Variants in SHC3 observed in about 807,000 individuals in gnomAD.
The protein encoded by SHC3 is SHC-transforming protein 3.
SHC3 carries 15 observed loss-of-function variants against 60.4 expected under a neutral mutation model. The observed-to-expected ratio is 0.25, with a 90% CI of 0.17 to 0.38. The LOEUF (loss-of-function observed/expected upper bound fraction) is 0.38. SHC3 is among the 10% of genes least tolerant of loss of function. The pLI, the probability that SHC3 is intolerant of heterozygous loss-of-function variation, is 1.00. For missense variants in SHC3, 677 were observed against 786.1 expected (o/e 0.86, Z 1.66); for synonymous variants, 294 against 325.9 (o/e 0.90, Z 1.05).
rs140458429 is a variant in SHC3 at position 89,096,327 on chromosome 9, G to A, written c.545+16229C>T. ...ACATGAGGCAGGCTCCATCCAATGC[G>A]CCACCAAGGGAGATCTGTGCTTTGA... On this transcript the variant is annotated intron_variant, in intron 2 of 11. Coordinates refer to ENST00000375835, the MANE Select transcript of SHC3 (RefSeq NM_016848.6). 6.6e-5 allele frequency among the ~76,000 whole-genome samples: 10 copies of A among 152,230 alleles called. No homozygotes were observed. The East Asian group carries it at 1.9e-3, about 29-fold the overall frequency.
At chr9:89,028,387 G>C (rs1408407413) in intron 11 of SHC3, among the ~76,000 whole-genome samples, 1 of 151,402 alleles carries the variant, frequency 6.6e-6, no homozygotes, top group East Asian at 1.9e-4. Context: ...ACCATGAAGA[G>C]AAAGATCATG....
chr9:89,030,488 T>G (rs979259816), intron 11 of SHC3, among the ~76,000 whole-genome samples: 1 of 152,104 alleles, frequency 6.6e-6, no homozygotes, highest in Non-Finnish European at 1.5e-5. Flanking sequence ...ATATCAACAC[T>G]GACTCAAGAA....
chr9:89,054,263 C>T (rs4465041), intron 6 of SHC3, among the ~76,000 whole-genome samples: 112,349 of 152,034 alleles, frequency 0.74, 42,039 homozygotes, highest in East Asian at 0.99. Flanking sequence ...CATGTTACTC[C>T]AAGTGACTAA....
chr9:89,060,872 A>C (rs1825077493), intron 6 of SHC3, among the ~76,000 whole-genome samples: 3 of 152,070 alleles, frequency 2.0e-5, no homozygotes, highest in Admixed American at 6.5e-5. Flanking sequence ...GGTGCAGGTG[A>C]AGGAAAGAAG....
In SHC3 at chr9:89,007,851, G is replaced by A. The variant is rs1026604466; in HGVS notation, c.*5596C>T. On this transcript the variant is annotated 3_prime_UTR_variant, in exon 12 of 12. Coordinates refer to ENST00000375835, the MANE Select transcript of SHC3 (RefSeq NM_016848.6). ...CTCATGTCCTGTTCTTGTTCTCTTT[G>A]TGCTGGATCTCACATCCTACAGCAT... 1 of 152,102 alleles carries A rather than the reference G, an allele frequency of 6.6e-6. No individual in the cohort carries two copies. The highest frequency in any genetic ancestry group is 1.5e-5 in the Non-Finnish European group (1 of 68,060). 9.4% of individuals were successfully genotyped at this position (152,102 alleles called of 1,614,324 possible). A position where few individuals can be genotyped will look rare whatever the true frequency, so the allele number is the denominator to read the frequency against.
Position 89,068,036 on chromosome 9 carries a change from T to C in SHC3, c.784-2456A>G, listed in dbSNP as rs146271284. 4.3e-4 allele frequency among the ~76,000 whole-genome samples: 65 copies of C among 152,338 alleles called. 1 individual carries two copies. In the East Asian group the frequency reaches 0.012, roughly 28 times the overall value. On this transcript the variant is annotated intron_variant, in intron 5 of 11. Transcript: ENST00000375835. ...ACATAATATGTCCCTGTCTCTCAGATGGTCAATGGCCAAGCTTTTCTGATG... is the reference window on the plus strand; with the variant it reads ...ACATAATATGTCCCTGTCTCTCAGACGGTCAATGGCCAAGCTTTTCTGATG...
At chr9:89,022,100 T>C (rs1826211202) in intron 11 of SHC3, among the ~76,000 whole-genome samples, 1 of 151,960 alleles carries the variant, frequency 6.6e-6, no homozygotes. Context: ...GAGGCCTCAG[T>C]TCATTTTGCT....
chr9:89,089,123 C>T (rs1315634403), intron 2 of SHC3, among the ~76,000 whole-genome samples: 1 of 152,198 alleles, frequency 6.6e-6, no homozygotes, highest in Non-Finnish European at 1.5e-5. Context: ...GATCACCGCA[C>T]AGAGCCTGTC....
intron 10 of SHC3, among the ~76,000 whole-genome samples, chr9:89,041,736 G>T (rs1329889962): frequency 6.6e-6 from 1 of 152,156 alleles, no homozygotes; most frequent in African/African-American, 2.4e-5. Context: ...CTATTTAAAT[G>T]AATAAATAAA....
At chr9:89,060,599 G>A (rs1192361127) in intron 6 of SHC3, among the ~76,000 whole-genome samples, 1 of 151,978 alleles carries the variant, frequency 6.6e-6, no homozygotes, top group Non-Finnish European at 1.5e-5. Context: ...CAGGGAGAGG[G>A]GATCATAGGA....
intron 1 of SHC3, among the ~76,000 whole-genome samples, chr9:89,144,195 A>C (rs772905141): frequency 5.3e-5 from 8 of 152,258 alleles, no homozygotes; most frequent in Non-Finnish European, 1.2e-4. Flanking sequence ...TGCACTGACC[A>C]TCAGAAGGAT....
chr9:89,136,798 G>T (rs9410316), intron 1 of SHC3, among the ~76,000 whole-genome samples: 79,755 of 152,010 alleles, frequency 0.52, 24,031 homozygotes, highest in Non-Finnish European at 0.68. Flanking sequence ...TTGGGGTCTG[G>T]ATTGGGACCA....
chr9:89,139,140 A>C (rs1478303690), intron 1 of SHC3, among the ~76,000 whole-genome samples: 1 of 152,148 alleles, frequency 6.6e-6, no homozygotes, highest in Non-Finnish European at 1.5e-5. Flanking sequence ...CAGAATTAGA[A>C]TATTGATTTT....
chr9:89,151,080 G>T (rs1826539709), intron 1 of SHC3, among the ~76,000 whole-genome samples: 1 of 150,198 alleles, frequency 6.7e-6, no homozygotes, highest in African/African-American at 2.5e-5. Context: ...GTGCAGTGCT[G>T]TGGTCACTGC....
At chr9:89,117,730 TCTC>T (rs2118131409) in intron 1 of SHC3, among the ~76,000 whole-genome samples, 1 of 152,254 alleles carries the variant, frequency 6.6e-6, no homozygotes, top group South Asian at 2.1e-4. Flanking sequence ...TTACTAATAT[TCTC>T]CTTTTATTTT....
chr9:89,096,765 T>C (rs750477487), intron 2 of SHC3, among the ~76,000 whole-genome samples: 3 of 152,244 alleles, frequency 2.0e-5, no homozygotes, highest in Non-Finnish European at 4.4e-5. Flanking sequence ...GACGTGCTAC[T>C]GGCATCTAGA....
chr9:89,121,846 A>G (rs1476271127), intron 1 of SHC3, among the ~76,000 whole-genome samples: 2 of 152,248 alleles, frequency 1.3e-5, no homozygotes, highest in Non-Finnish European at 2.9e-5. Flanking sequence ...AAACCTAAAA[A>G]GAAAATTCGA....
intron 1 of SHC3, among the ~76,000 whole-genome samples, chr9:89,152,253 T>G (rs1826555743): frequency 6.6e-6 from 1 of 152,236 alleles, no homozygotes; most frequent in South Asian, 2.1e-4. Context: ...ATTGGGCATC[T>G]CTTTAAGCCG....
rs150524323 is a variant in SHC3 at position 89,013,269 on chromosome 9, C to T, written c.*178G>A. The stretch of plus-strand genomic sequence containing the variant: ...TATAGGTATGTACACCTTTAATATG[C>T]ATATGAGAAATTCAGAACCAAGTTT... On this transcript the variant is annotated 3_prime_UTR_variant, in exon 12 of 12. Coordinates refer to ENST00000375835, the MANE Select transcript of SHC3 (RefSeq NM_016848.6). The T allele has an allele frequency of 2.9e-3, 1,648 of 561,154 alleles. 17 individuals carry two copies. The highest frequency in any genetic ancestry group is 0.028 in the African/African-American group (1,467 of 52,274). 34.8% of individuals were successfully genotyped at this position (561,154 alleles called of 1,614,324 possible). A position where few individuals can be genotyped will look rare whatever the true frequency, so the allele number is the denominator to read the frequency against.
Sources: gnomAD v4.1 joint callset for allele counts (sites outside exome capture counted in the v4.1 genomes callset) on GRCh38, gnomAD v4.1.1 for gene constraint, MANE v1.5 for transcripts, NCBI Gene and HGNC (gene_info 2026-07-23, HGNC 2026-07-21) for gene names.